The following CACNA1A variants were observed in gnomAD, a reference collection of about 807,000 sequenced individuals.
CACNA1A encodes voltage-dependent P/Q-type calcium channel subunit alpha-1A.
Under a neutral mutation model 262.4 loss-of-function variants are expected in CACNA1A, and 57 were observed. That is an observed-to-expected ratio of 0.22 (90% confidence interval 0.18 to 0.27). CACNA1A has a LOEUF of 0.27. Ranked by LOEUF, CACNA1A falls within the 10% of genes least tolerant of loss-of-function variation. CACNA1A has a pLI of 1.00. For missense variants in CACNA1A, 2,526 were observed against 3,562.8 expected (o/e 0.71, Z 7.41); for synonymous variants, 1,431 against 1,419.3 (o/e 1.01, Z -0.18).
intron 6 of CACNA1A, among the ~76,000 whole-genome samples, chr19:13,347,063 T>G (rs4926275): frequency 0.67 from 90,765 of 135,580 alleles, 29,940 homozygotes; most frequent in South Asian, 0.77. Context: ...TTTTTTGTTT[T>G]TTTGTTTTTT....
intron 22 of CACNA1A, among the ~76,000 whole-genome samples, chr19:13,281,244 G>C (rs1383422729): frequency 6.6e-6 from 1 of 151,854 alleles, no homozygotes; most frequent in African/African-American, 2.4e-5. Context: ...TGGGTGTGGT[G>C]GTGCATGCCT....
rs781409644 is a variant in CACNA1A at position 13,207,115 on chromosome 19, C to T, written c.*198G>A. The T allele has an allele frequency of 3.8e-6, 2 of 524,688 alleles. No individual in the cohort carries two copies. The highest frequency in any genetic ancestry group is 4.4e-5 in the Admixed American group (1 of 22,788). 32.5% of individuals were successfully genotyped at this position (524,688 alleles called of 1,614,324 possible). On this transcript the variant is annotated 3_prime_UTR_variant, in exon 47 of 47. Coordinates refer to ENST00000360228, the MANE Select transcript of CACNA1A (RefSeq NM_001127222.2). The surrounding 1 kb of genome is among the most constrained non-coding windows in gnomAD (Gnocchi z 5.7). ...CTGGTTGGGGGGCGCCGTGGCTGCC[C>T]AGGAGGGTCTCTTTTGGCCGAGGGT...
intron 8 of CACNA1A, chr19:13,333,520 T>C (rs949620218): frequency 1.8e-4 from 27 of 152,432 alleles, no homozygotes; most frequent in Non-Finnish European, 3.8e-4. Flanking sequence ...CTGTAACCTC[T>C]GCCTCCTGGG....
At chr19:13,464,710 G>A (rs369443388) in intron 1 of CACNA1A, among the ~76,000 whole-genome samples, 13 of 151,434 alleles carry the variant, frequency 8.6e-5, no homozygotes, top group African/African-American at 2.4e-4. Context: ...CACCGCGCCC[G>A]GCTAATTTTT....
chr19:13,329,323 G>A (rs1391769898), intron 10 of CACNA1A, among the ~76,000 whole-genome samples: 1 of 149,332 alleles, frequency 6.7e-6, no homozygotes, highest in African/African-American at 2.4e-5. Flanking sequence ...CTTCCTCCAG[G>A]TAGCCTTCCC....
At position 13,209,324 on chromosome 19, in the gene CACNA1A, C is replaced by G; in HGVS notation, c.6514G>C (p.Asp2172His). 2.1e-6 allele frequency: 3 copies of G among 1,400,408 alleles called. No individual in the cohort carries two copies. The highest frequency in any genetic ancestry group is 2.8e-6 in the Non-Finnish European group (3 of 1,073,338). 86.7% of individuals were successfully genotyped at this position (1,400,408 alleles called of 1,614,324 possible). A position where few individuals can be genotyped will look rare whatever the true frequency, so the allele number is the denominator to read the frequency against. ...ASERSLGRYT[D>H]VDTGLGTDLS... is the part of the protein sequence containing the mutation. ...CAGGGCTGCCCACCTGTGTCCACAT[C>G]GGTGTAGCGGCCCAGGGAGCGCTCA... Residue 2172 changes from aspartate (D) to histidine (H), a missense_variant, in exon 45 of 47, where the codon GAT (aspartate) becomes CAT (histidine). By Grantham distance (81) the Asp-to-His change is moderately conservative. Coordinates refer to ENST00000360228, the MANE Select transcript of CACNA1A (RefSeq NM_001127222.2).
chr19:13,370,792 C>A (rs2059309893), intron 4 of CACNA1A: 1 of 150,716 alleles, frequency 6.6e-6, no homozygotes, highest in Non-Finnish European at 1.5e-5. Context: ...GGTGGTGTTC[C>A]TCACAATGTT....
rs748652953 is a variant in CACNA1A, at chr19:13,275,961, G to T, written c.3883-5C>A. On this transcript the variant is annotated splice_region_variant and splice_polypyrimidine_tract_variant and intron_variant, in intron 23 of 46. Transcript: ENST00000360228. ...GACGAGCCCCAGGTCAATCATCTGT[G>T]GGGGAGAAGAGAGGGTGCTCAGAAC... 1 of 1,599,644 alleles carries T rather than the reference G, an allele frequency of 6.3e-7. No homozygotes were observed. The highest frequency in any genetic ancestry group is 8.6e-7 in the Non-Finnish European group (1 of 1,167,020).
intron 9 of CACNA1A, among the ~76,000 whole-genome samples, chr19:13,330,737 T>C (rs1442887711): frequency 1.3e-5 from 2 of 152,158 alleles, no homozygotes; most frequent in South Asian, 2.1e-4. Context: ...ACTACAGGCA[T>C]GCACCACCAC....
rs192956873 is a variant in CACNA1A at position 13,447,768 on chromosome 19, C to T, written c.539+5108G>A. On this transcript the variant is annotated intron_variant, in intron 3 of 46. Coordinates refer to ENST00000360228, the MANE Select transcript of CACNA1A (RefSeq NM_001127222.2). ...GAACTTGGAATCTGATTTTAGAGGG[C>T]AGGAAGCATTCAGCACAGGACAAAG... 2.6e-5 allele frequency among the ~76,000 whole-genome samples: 4 copies of T among 152,268 alleles called. No homozygotes were observed. The East Asian group carries it at 7.7e-4, about 29-fold the overall frequency.
At chr19:13,246,819 G>A (rs1266525106) in intron 30 of CACNA1A, among the ~76,000 whole-genome samples, 1 of 151,954 alleles carries the variant, frequency 6.6e-6, no homozygotes, top group East Asian at 1.9e-4. Flanking sequence ...GTAGAGACGG[G>A]GTTTCACCAT....
At position 13,365,375 on chromosome 19, in the gene CACNA1A, G is replaced by A. The variant is rs1169274623; in HGVS notation, c.726C>T (p.Ile242=). ...TTCCCATATAAAATTCTAACCCTAT[G>A]ATTGCAAAAATAAGGATTGCAAAAA... ...LLFFAILIFA[I]IGLEFYMGKF... is the part of the protein sequence containing the mutation. The change falls in exon 5 of 47, where the codon ATC becomes ATT. Residue 242 remains isoleucine, a synonymous_variant. Transcript: ENST00000360228. 1.2e-6 allele frequency: 2 copies of A among 1,613,386 alleles called. No homozygotes were observed. The highest frequency in any genetic ancestry group is 2.7e-5 in the African/African-American group (2 of 74,900).
At chr19:13,332,829 C>T in intron 9 of CACNA1A, 40 bp downstream of exon 9, 4 of 1,433,042 alleles carry the variant, frequency 2.8e-6, no homozygotes, top group Non-Finnish European at 3.9e-6. Context: ...TCTCCCTTCT[C>T]CCCTGGGACC....
intron 1 of CACNA1A, among the ~76,000 whole-genome samples, chr19:13,469,520 G>A (rs1012557799): frequency 2.4e-4 from 34 of 139,106 alleles, no homozygotes; most frequent in African/African-American, 8.6e-4. Context: ...GCCCAGGCTG[G>A]AGTACAGCAG....
At position 13,245,019 on chromosome 19, in the gene CACNA1A, C is replaced by T. The variant is rs1013048082; in HGVS notation, c.4950+163G>A. On this transcript the variant is annotated intron_variant, in intron 31 of 46. Transcript: ENST00000360228. The stretch of plus-strand genomic sequence containing the variant: ...CACAATGCCCTCCTGAGGGGCTGCC[C>T]TTGTCCCCGGGGCCCCAGTTCTCCC... 1.8e-5 allele frequency: 11 copies of T among 628,158 alleles called. No homozygotes were observed. In the South Asian group the frequency reaches 2.1e-4, roughly 12 times the overall value. 38.9% of individuals were successfully genotyped at this position (628,158 alleles called of 1,614,324 possible).
intron 6 of CACNA1A, among the ~76,000 whole-genome samples, chr19:13,355,506 G>A (rs112153565): frequency 1.1e-4 from 16 of 152,298 alleles, no homozygotes; most frequent in South Asian, 4.1e-4. Context: ...GGGTGTGTAC[G>A]TGACCAGGTT....
chr19:13,393,377 C>T (rs1197732374), intron 3 of CACNA1A, among the ~76,000 whole-genome samples: 13 of 152,156 alleles, frequency 8.5e-5, no homozygotes. Context: ...TGTATGACCC[C>T]ATGTGCTTAA....
intron 19 of CACNA1A, among the ~76,000 whole-genome samples, chr19:13,296,013 A>G (rs1025271293): frequency 3.3e-5 from 5 of 152,322 alleles, no homozygotes; most frequent in Non-Finnish European, 5.9e-5. Flanking sequence ...TTGTCCACAC[A>G]ACCCAGAGTT....
intron 1 of CACNA1A, among the ~76,000 whole-genome samples, chr19:13,489,716 C>T (rs1980526211): frequency 6.6e-6 from 1 of 152,192 alleles, no homozygotes; most frequent in Non-Finnish European, 1.5e-5. Flanking sequence ...CTTCACCTGT[C>T]CCCTTGGGTC....
Sources: allele counts gnomAD v4.1 joint callset (sites outside exome capture counted in the v4.1 genomes callset), GRCh38; gene constraint gnomAD v4.1.1; non-coding constraint Gnocchi (gnomAD v3.1); transcripts MANE v1.5; gene names NCBI Gene and HGNC (gene_info 2026-07-23, HGNC 2026-07-21).